Variants in DMD observed in about 807,000 individuals in gnomAD.
DMD encodes mutant dystrophin.
DMD carries 63 observed loss-of-function variants against 330.1 expected under a neutral mutation model. The ratio of observed to expected loss-of-function variants is 0.19; its 90% CI spans 0.16 to 0.24. The LOEUF (loss-of-function observed/expected upper bound fraction) is 0.24. Ranked by LOEUF, DMD falls within the 10% of genes least tolerant of loss-of-function variation. The pLI, the probability that DMD is intolerant of heterozygous loss-of-function variation, is 1.00. For synonymous variants in DMD, 1,223 were observed against 959.8 expected (o/e 1.27, Z -5.07); for missense variants, 3,344 against 2,684.1 (o/e 1.25, Z -5.43).
At chrX:31,855,423 A>G (rs975272676) in intron 48 of DMD, among the ~76,000 whole-genome samples, 1 of 112,278 alleles carries the variant, frequency 8.9e-6, no homozygotes, top group Non-Finnish European at 1.9e-5. Flanking sequence ...CCATATAGTA[A>G]TTGGACATGG....
intron 60 of DMD, among the ~76,000 whole-genome samples, chrX:31,431,036 G>A (rs1429009781): frequency 1.8e-5 from 2 of 109,361 alleles, no homozygotes; most frequent in Non-Finnish European, 3.8e-5. Context: ...TCCTGATCTC[G>A]TAATTCACCC....
At chrX:32,541,673 G>A (rs2048495964) in intron 17 of DMD, among the ~76,000 whole-genome samples, 1 of 111,263 alleles carries the variant, frequency 9.0e-6, no homozygotes, top group Admixed American at 9.6e-5. Flanking sequence ...GGAGGCAGGT[G>A]AGGATGGGAA....
chrX:32,945,513 T>G (rs923433832), intron 2 of DMD, among the ~76,000 whole-genome samples: 1 of 111,120 alleles, frequency 9.0e-6, no homozygotes, highest in Non-Finnish European at 1.9e-5. Flanking sequence ...TTACTTGGCT[T>G]CTTTCACTGA....
intron 64 of DMD, among the ~76,000 whole-genome samples, chrX:31,212,112 T>C: frequency 9.3e-6 from 1 of 107,914 alleles, no homozygotes; most frequent in East Asian, 2.9e-4. Context: ...GTGAAACCAT[T>C]GTTTCCTTAA....
chrX:31,327,670 G>A (rs1042707980), intron 61 of DMD, among the ~76,000 whole-genome samples: 2 of 111,874 alleles, frequency 1.8e-5, no homozygotes, highest in East Asian at 5.6e-4. Context: ...ATAAATAACC[G>A]ATACAGCAAT....
At position 31,594,059 on chromosome X, in the gene DMD, A is replaced by G. The variant is rs771661640; in HGVS notation, c.8217+33614T>C. Among the ~76,000 whole-genome samples the G allele has an allele frequency of 8.1e-5, 9 of 110,961 alleles. No individual in the cohort carries two copies. The South Asian group carries it at 1.5e-3, about 18-fold the overall frequency. ...GTTTCAGGAAAGGTGAGTAAACACT[A>G]TATTAGACTAGCATTTCTCAATTTT... On this transcript the variant is annotated intron_variant, in intron 55 of 78. Transcript: ENST00000357033.
intron 2 of DMD, among the ~76,000 whole-genome samples, chrX:32,886,892 A>C (rs935458697): frequency 8.9e-6 from 1 of 112,221 alleles, no homozygotes; most frequent in African/African-American, 3.2e-5. Flanking sequence ...GTGAAAAGTC[A>C]TAAATATAGC....
intron 2 of DMD, among the ~76,000 whole-genome samples, chrX:32,910,312 G>A (rs2087110011): frequency 8.9e-6 from 1 of 111,737 alleles, no homozygotes; most frequent in Non-Finnish European, 1.9e-5. Flanking sequence ...CTTATGTATG[G>A]TATGTCTAAC....
intron 53 of DMD, among the ~76,000 whole-genome samples, chrX:31,668,236 A>G (rs1305832969): frequency 9.0e-6 from 1 of 111,414 alleles, no homozygotes; most frequent in Non-Finnish European, 1.9e-5. Context: ...CTTTCTTTAC[A>G]ATATTGCTTG....
chrX:32,381,688 G>A (rs1439369789), intron 33 of DMD, among the ~76,000 whole-genome samples: 4 of 111,344 alleles, frequency 3.6e-5, no homozygotes, highest in African/African-American at 6.5e-5. Flanking sequence ...CTTGCAAATC[G>A]TTAATTACAA....
chrX:32,230,130 C>G (rs990368271), intron 43 of DMD, among the ~76,000 whole-genome samples: 1 of 111,895 alleles, frequency 8.9e-6, no homozygotes, highest in Non-Finnish European at 1.9e-5. Flanking sequence ...TAATGTTGCA[C>G]TTAATTTTTG....
At chrX:32,231,504 T>TA (rs1162131630) in intron 43 of DMD, among the ~76,000 whole-genome samples, 1 of 112,181 alleles carries the variant, frequency 8.9e-6, no homozygotes, top group African/African-American at 3.2e-5. Context: ...TCTTTGGCCA[T>TA]AAAAAATTAA....
At chrX:32,259,975 G>A (rs2097315215) in intron 43 of DMD, among the ~76,000 whole-genome samples, 1 of 111,408 alleles carries the variant, frequency 9.0e-6, no homozygotes, top group African/African-American at 3.3e-5. Context: ...GGCATGGAAG[G>A]ATCATTTAGT....
intron 7 of DMD, among the ~76,000 whole-genome samples, chrX:32,748,102 G>A (rs186407235): frequency 9.1e-6 from 1 of 110,468 alleles, no homozygotes; most frequent in Admixed American, 9.7e-5. Context: ...CAGCACTTTG[G>A]GAGGCTGAGG....
intron 16 of DMD, among the ~76,000 whole-genome samples, chrX:32,554,965 A>AAG (rs201281719): frequency 0.017 from 1,671 of 96,724 alleles, 87 homozygotes; most frequent in African/African-American, 0.057. Context: ...GAGAGAAAGA[A>AAG]AGAGAGAGAG....
chrX:32,818,853 C>CTTT (rs2077975353), intron 5 of DMD, among the ~76,000 whole-genome samples: 1 of 110,439 alleles, frequency 9.1e-6, no homozygotes, highest in African/African-American at 3.3e-5. Context: ...AGAGTATAAA[C>CTTT]ACTCAGCCAT....
intron 60 of DMD, among the ~76,000 whole-genome samples, chrX:31,371,576 T>C (rs2148657364): frequency 9.0e-6 from 1 of 111,166 alleles, no homozygotes; most frequent in South Asian, 4.0e-4. Context: ...TTCTGGGTGG[T>C]TAGTTCAAAG....
chrX:31,177,306 T>A (rs1428832975), intron 71 of DMD, among the ~76,000 whole-genome samples: 1 of 111,625 alleles, frequency 9.0e-6, no homozygotes, highest in Non-Finnish European at 1.9e-5. Context: ...TGTATAATTG[T>A]TTATGAGCTG....
intron 44 of DMD, among the ~76,000 whole-genome samples, chrX:32,123,018 G>A (rs1371862672): frequency 2.8e-5 from 3 of 107,194 alleles, no homozygotes; most frequent in Non-Finnish European, 5.8e-5. Flanking sequence ...TTGAAAAGCA[G>A]TGAAAGAAAG....
Sources: allele counts gnomAD v4.1 joint callset (sites outside exome capture counted in the v4.1 genomes callset), GRCh38; gene constraint gnomAD v4.1.1; transcripts MANE v1.5; gene names NCBI Gene and HGNC (gene_info 2026-07-23, HGNC 2026-07-21).